Variants in KLHL1 observed in about 807,000 individuals in gnomAD.
The protein encoded by KLHL1 is kelch-like protein 1.
A neutral mutation model predicts 77.7 loss-of-function variants in KLHL1; 47 were observed. The ratio of observed to expected loss-of-function variants is 0.60; its 90% CI spans 0.48 to 0.77. KLHL1 has a LOEUF of 0.77. Ranked by LOEUF, KLHL1 falls within the 30% of genes least tolerant of loss-of-function variation. The pLI, the probability that KLHL1 is intolerant of heterozygous loss-of-function variation, is 0.00. For missense variants in KLHL1, 925 were observed against 910.8 expected (o/e 1.02, Z -0.20); for synonymous variants, 360 against 325.2 (o/e 1.11, Z -1.15).
At chr13:69,716,952 G>A (rs900062963) in intron 9 of KLHL1, among the ~76,000 whole-genome samples, 9 of 151,874 alleles carry the variant, frequency 5.9e-5, no homozygotes, top group Non-Finnish European at 8.8e-5. Context: ...CTCTTACTAG[G>A]GTGAGGCTCA....
intron 3 of KLHL1, among the ~76,000 whole-genome samples, chr13:69,950,592 A>C (rs568611832): frequency 5.3e-5 from 8 of 151,574 alleles, no homozygotes; most frequent in Non-Finnish European, 1.5e-5. Flanking sequence ...TGATTAACTC[A>C]TGGTCGTAGA....
chr13:70,016,122 A>C (rs1885650615), intron 1 of KLHL1, among the ~76,000 whole-genome samples: 1 of 152,256 alleles, frequency 6.6e-6, no homozygotes, highest in Non-Finnish European at 1.5e-5. Context: ...CCTCAAAAAC[A>C]TAGGCCAGTA....
At chr13:70,003,988 G>T (rs1479279238) in intron 1 of KLHL1, among the ~76,000 whole-genome samples, 1 of 151,850 alleles carries the variant, frequency 6.6e-6, no homozygotes, top group Middle Eastern at 3.4e-3. Context: ...ATGTATATTT[G>T]TATGAACTCA....
chr13:70,105,271 T>C (rs1033191949), intron 1 of KLHL1, among the ~76,000 whole-genome samples: 1 of 152,004 alleles, frequency 6.6e-6, no homozygotes, highest in Non-Finnish European at 1.5e-5. Flanking sequence ...TCTGGTGTTT[T>C]TTCCCTAACT....
intron 3 of KLHL1, among the ~76,000 whole-genome samples, chr13:69,952,669 A>G (rs1347753631): frequency 1.3e-5 from 2 of 151,378 alleles, no homozygotes; most frequent in Non-Finnish European, 3.0e-5. Context: ...TCCAGCTAAC[A>G]TGTGTTTTCC....
chr13:70,010,868 G>C (rs9572334), intron 1 of KLHL1, among the ~76,000 whole-genome samples: 35,022 of 150,508 alleles, frequency 0.23, 4,524 homozygotes, highest in East Asian at 0.55. Context: ...CTCCAGCCTG[G>C]GCAACAAAAG....
At chr13:70,019,019 T>G (rs1448093353) in intron 1 of KLHL1, among the ~76,000 whole-genome samples, 1 of 152,198 alleles carries the variant, frequency 6.6e-6, no homozygotes, top group Non-Finnish European at 1.5e-5. Context: ...CTCACTGTAT[T>G]TTTTATGTTG....
intron 10 of KLHL1, among the ~76,000 whole-genome samples, chr13:69,703,934 T>C (rs546469984): frequency 1.3e-5 from 2 of 151,704 alleles, no homozygotes; most frequent in African/African-American, 4.8e-5. Flanking sequence ...TCTCAGATTG[T>C]ATTTCATTTT....
At chr13:69,780,629 T>G (rs546713258) in intron 7 of KLHL1, among the ~76,000 whole-genome samples, 2 of 146,182 alleles carry the variant, frequency 1.4e-5, no homozygotes, top group African/African-American at 5.0e-5. Flanking sequence ...ATATATATGG[T>G]TTTTAAAAGC....
At chr13:69,821,947 C>T (rs1401219870) in intron 6 of KLHL1, among the ~76,000 whole-genome samples, 4 of 152,022 alleles carry the variant, frequency 2.6e-5, no homozygotes, top group East Asian at 1.9e-4. Context: ...TGCCTGTAAT[C>T]CCAGCACTTT....
At chr13:70,002,914 T>C (rs1180370787) in intron 1 of KLHL1, among the ~76,000 whole-genome samples, 1 of 151,490 alleles carries the variant, frequency 6.6e-6, no homozygotes, top group African/African-American at 2.4e-5. Flanking sequence ...ACAACATAAG[T>C]ATTTTCATTA....
intron 9 of KLHL1, among the ~76,000 whole-genome samples, chr13:69,718,460 G>T (rs1295517559): frequency 6.6e-6 from 1 of 151,816 alleles, no homozygotes; most frequent in African/African-American, 2.4e-5. Flanking sequence ...TGGATATGTA[G>T]CATGAATGAG....
At chr13:69,877,705 G>A (rs369141428) in intron 5 of KLHL1, among the ~76,000 whole-genome samples, 3 of 151,896 alleles carry the variant, frequency 2.0e-5, no homozygotes, top group Non-Finnish European at 4.4e-5. Flanking sequence ...AACTGAATTT[G>A]TTTCTGGATT....
intron 5 of KLHL1, among the ~76,000 whole-genome samples, chr13:69,855,450 G>T (rs988063950): frequency 1.8e-5 from 2 of 108,786 alleles, no homozygotes; most frequent in South Asian, 2.2e-4. Context: ...GATATGATAT[G>T]GTTTGGTTGT....
chr13:69,949,282 C>T (rs1393590523), intron 3 of KLHL1, among the ~76,000 whole-genome samples: 2 of 151,166 alleles, frequency 1.3e-5, no homozygotes, highest in Non-Finnish European at 3.0e-5. Flanking sequence ...CTCATTCTGT[C>T]TCTTTAGGCA....
chr13:69,961,775 C>T (rs1593990635), intron 2 of KLHL1, among the ~76,000 whole-genome samples: 1 of 151,382 alleles, frequency 6.6e-6, no homozygotes, highest in East Asian at 1.9e-4. Context: ...CCTAAACTAT[C>T]GTGAATTTGA....
chr13:70,066,293 G>A (rs1887003935), intron 1 of KLHL1, among the ~76,000 whole-genome samples: 1 of 152,076 alleles, frequency 6.6e-6, no homozygotes, highest in East Asian at 1.9e-4. Context: ...ATCTAGCAAT[G>A]AGAGATTTAC....
chr13:69,770,366 C>A (rs1308362052), intron 7 of KLHL1, among the ~76,000 whole-genome samples: 1 of 152,316 alleles, frequency 6.6e-6, no homozygotes, highest in African/African-American at 2.4e-5. Flanking sequence ...GCTTTGCTGG[C>A]CACGGAGGTT....
intron 3 of KLHL1, among the ~76,000 whole-genome samples, chr13:69,956,196 A>T (rs1883884369): frequency 7.6e-6 from 1 of 131,856 alleles, no homozygotes; most frequent in Admixed American, 7.8e-5. Context: ...TATATATATA[A>T]AACAAAAATG....
Sources: allele counts gnomAD v4.1 joint callset (sites outside exome capture counted in the v4.1 genomes callset), GRCh38; gene constraint gnomAD v4.1.1; transcripts MANE v1.5; gene names NCBI Gene and HGNC (gene_info 2026-07-23, HGNC 2026-07-21).